The following ITPRID1 variants were observed in gnomAD, a reference collection of about 807,000 sequenced individuals.
ITPRID1 encodes the protein ITPR interacting domain containing 1, also known as protein ITPRID1.
A neutral mutation model predicts 95.4 loss-of-function variants in ITPRID1; 96 were observed. That is an observed-to-expected ratio of 1.01 (90% confidence interval 0.85 to 1.19). The LOEUF (loss-of-function observed/expected upper bound fraction) is 1.19, where lower values mean the gene tolerates loss of function less well. Ranked by LOEUF, ITPRID1 falls within the 50% of genes most tolerant of loss-of-function variation. The probability of loss-of-function intolerance (pLI) is 0.00; values close to 1 mark genes in which losing one functional copy is unlikely to be tolerated. For synonymous variants in ITPRID1, 510 were observed against 453.6 expected, an observed-to-expected ratio of 1.12 and a Z score of -1.58; for missense variants, 1,339 against 1,252.9, an observed-to-expected ratio of 1.07 and a Z score of -1.04.
At chr7:31,644,561 C>T (rs571111345) in intron 12 of ITPRID1, among the ~76,000 whole-genome samples, 3 of 152,134 alleles carry the variant, frequency 2.0e-5, no homozygotes, top group African/African-American at 4.8e-5. Context: ...GAGCTTCCCA[C>T]GTCAAATAGA....
chr7:31,525,014 C>G (rs1046925955), intron 1 of ITPRID1, among the ~76,000 whole-genome samples: 1 of 152,184 alleles, frequency 6.6e-6, no homozygotes, highest in Non-Finnish European at 1.5e-5. Context: ...TCCAAACTGA[C>G]TGTGCAATTA....
At chr7:31,614,411 CTTATTCTAGTAA>C (rs1353550575) in intron 10 of ITPRID1, among the ~76,000 whole-genome samples, 3 of 152,108 alleles carry the variant, frequency 2.0e-5, no homozygotes, top group Non-Finnish European at 2.9e-5. Flanking sequence ...CAGATTTACA[CTTATTCTAGTAA>C]TTAAACAAAT....
At chr7:31,580,874 G>C (rs1785378457) in intron 9 of ITPRID1, among the ~76,000 whole-genome samples, 2 of 152,162 alleles carry the variant, frequency 1.3e-5, no homozygotes, top group South Asian at 4.1e-4. Context: ...GAGACTGTAT[G>C]TGTATGTAAG....
intron 1 of ITPRID1, among the ~76,000 whole-genome samples, chr7:31,528,226 T>C (rs1054098722): frequency 6.6e-6 from 1 of 152,208 alleles, no homozygotes; most frequent in Non-Finnish European, 1.5e-5. Flanking sequence ...GTATAACTAA[T>C]GGATAATCAA....
intron 10 of ITPRID1, among the ~76,000 whole-genome samples, chr7:31,635,568 T>C (rs1789406797): frequency 6.6e-6 from 1 of 152,222 alleles, no homozygotes; most frequent in Non-Finnish European, 1.5e-5. Flanking sequence ...AACAGTTATA[T>C]CACAAGTATA....
chr7:31,652,691 C>T lies in ITPRID1; in HGVS notation c.2997C>T (p.Thr999=). ...AGGAGGCTCCCTGTTCAGGTGGGAC[C>T]CAGTTGGCTGCCTTCACTCCACCCA... ...DGQEAPCSGG[T]QLAAFTPPTL... Residue 999 remains threonine (T), a synonymous_variant, in exon 15 of 15, where the codon ACC becomes ACT. Transcript: ENST00000615280. 1 of 1,613,874 alleles carries T rather than the reference C, an allele frequency of 6.2e-7. No homozygotes were observed. The highest frequency in any genetic ancestry group is 8.5e-7 in the Non-Finnish European group (1 of 1,179,874).
chr7:31,607,771 C>T (rs917320600), intron 10 of ITPRID1, among the ~76,000 whole-genome samples: 9 of 152,036 alleles, frequency 5.9e-5, no homozygotes, highest in African/African-American at 2.2e-4. Context: ...TACTGACACT[C>T]ATGAATTAGT....
chr7:31,652,437 G>A (rs2128220879), intron 14 of ITPRID1, 81 bp from the exon 15 acceptor site: 1 of 1,491,698 alleles, frequency 6.7e-7, no homozygotes, highest in Non-Finnish European at 9.0e-7. Context: ...ACCTCATAAT[G>A]CCTAGCTCAC....
intron 1 of ITPRID1, among the ~76,000 whole-genome samples, chr7:31,541,524 AC>A (rs1372660398): frequency 1.3e-5 from 2 of 152,224 alleles, no homozygotes; most frequent in Non-Finnish European, 2.9e-5. Flanking sequence ...GCGGCACACA[AC>A]AATTTTAACA....
intron 1 of ITPRID1, among the ~76,000 whole-genome samples, chr7:31,519,375 CT>C (rs1783145058): frequency 1.3e-5 from 2 of 151,980 alleles, no homozygotes; most frequent in South Asian, 4.2e-4. Flanking sequence ...GTATTAACTT[CT>C]TGTTATTTTA....
intron 1 of ITPRID1, among the ~76,000 whole-genome samples, chr7:31,542,026 A>C (rs1174606444): frequency 1.3e-5 from 2 of 152,208 alleles, no homozygotes; most frequent in African/African-American, 2.4e-5. Flanking sequence ...AACTTAAAAC[A>C]ATTCTTTAGC....
At chr7:31,602,185 T>G (rs549605039) in intron 10 of ITPRID1, among the ~76,000 whole-genome samples, 3 of 152,164 alleles carry the variant, frequency 2.0e-5, no homozygotes, top group Non-Finnish European at 4.4e-5. Flanking sequence ...TTAGGCAATT[T>G]TATCATTGTT....
Position 31,643,515 on chromosome 7 carries a change from C to A in ITPRID1, c.2145C>A (p.Ser715Arg). The A allele has an allele frequency of 1.2e-6, 2 of 1,614,014 alleles. No individual in the cohort carries two copies. Among genetic ancestry groups the A allele is most frequent in the Admixed American group, 3.3e-5 (2 of 60,024 alleles). The change falls in exon 12 of 15, where the codon AGC becomes AGA. Residue 715 changes from serine to arginine, a missense_variant. Coordinates refer to ENST00000615280, the MANE Select transcript of ITPRID1 (RefSeq NM_001257967.3). The part of the protein sequence containing the change: ...SRSVMTQMSS[S>R]LVSAAQRAVA... ...CTGTAATGACCCAGATGTCCTCCAGCCTGGTGTCGGCTGCTCAGAGGGCTG... is the reference window on the plus strand; with the variant it reads ...CTGTAATGACCCAGATGTCCTCCAGACTGGTGTCGGCTGCTCAGAGGGCTG...
In ITPRID1 at chr7:31,588,520, A is replaced by T. The variant is rs1785720577; in HGVS notation, c.1228+5329A>T. On this transcript the variant is annotated intron_variant, in intron 10 of 14. Coordinates refer to ENST00000615280, the MANE Select transcript of ITPRID1 (RefSeq NM_001257967.3). ...GTGGTGGGTGCCTGTAATTCCAGCTACTCAGGAGGCTGAGGCAGGAGAATT... is the reference window on the plus strand; with the variant it reads ...GTGGTGGGTGCCTGTAATTCCAGCTTCTCAGGAGGCTGAGGCAGGAGAATT... Among the ~76,000 whole-genome samples, 3 of 150,372 alleles carry T rather than the reference A, an allele frequency of 2.0e-5. No individual in the cohort carries two copies. In the Admixed American group the frequency reaches 2.0e-4, roughly 10 times the overall value.
chr7:31,638,361 ACT>A (rs1219776228), intron 10 of ITPRID1, among the ~76,000 whole-genome samples: 2 of 152,208 alleles, frequency 1.3e-5, no homozygotes, highest in Non-Finnish European at 2.9e-5. Context: ...CTGTTCTATT[ACT>A]CAGGTTAAAG....
Position 31,617,717 on chromosome 7 carries a change from C to CAGTACTTTAAGGATAATACTCTACCTA in ITPRID1, c.1229-24457_1229-24431dup. 2.0e-5 allele frequency among the ~76,000 whole-genome samples: 3 copies of CAGTACTTTAAGGATAATACTCTACCTA among 152,116 alleles called. No homozygotes were observed. The South Asian group carries it at 6.2e-4, about 32-fold the overall frequency. The stretch of plus-strand genomic sequence containing the variant: ...ATATTAGTGCTCCCTCCGACCCCCA[C>CAGTACTTTAAGGATAATACTCTACCTA]AGTACTTTAAGGATAATACTCTACC... On this transcript the variant is annotated intron_variant, in intron 10 of 14. Coordinates refer to ENST00000615280, the MANE Select transcript of ITPRID1 (RefSeq NM_001257967.3).
At chr7:31,621,001 G>T (rs951812804) in intron 10 of ITPRID1, among the ~76,000 whole-genome samples, 1 of 151,920 alleles carries the variant, frequency 6.6e-6, no homozygotes, top group Non-Finnish European at 1.5e-5. Flanking sequence ...GGAAGAAAGG[G>T]TATCAGTGAT....
rs372183307 is a variant in ITPRID1 at position 31,598,451 on chromosome 7, T to G, written c.1228+15260T>G. On this transcript the variant is annotated intron_variant, in intron 10 of 14. Transcript: ENST00000615280. The stretch of plus-strand genomic sequence containing the variant: ...CGGAGTCTCGCTCTGTCACCCAGGC[T>G]GGAGTGCAGTGGCGCTATCTCGGCT... Among the ~76,000 whole-genome samples, 37 of 145,504 alleles carry G rather than the reference T, an allele frequency of 2.5e-4. No homozygotes were observed. In the East Asian group the frequency reaches 7.5e-3, roughly 29 times the overall value.
At chr7:31,633,228 C>T (rs1789177018) in intron 10 of ITPRID1, among the ~76,000 whole-genome samples, 1 of 152,126 alleles carries the variant, frequency 6.6e-6, no homozygotes, top group South Asian at 2.1e-4. Flanking sequence ...CTGGAGAGTC[C>T]AAGCGAGCTG....
Sources: gnomAD v4.1 joint callset for allele counts (sites outside exome capture counted in the v4.1 genomes callset) on GRCh38, gnomAD v4.1.1 for gene constraint, MANE v1.5 for transcripts, NCBI Gene and HGNC (gene_info 2026-07-23, HGNC 2026-07-21) for gene names.